The following RNF213 variants were observed in gnomAD, a reference collection of about 807,000 sequenced individuals.
The protein encoded by RNF213 is E3 ubiquitin-protein ligase RNF213.
A neutral mutation model predicts 514.4 loss-of-function variants in RNF213; 341 were observed. The ratio of observed to expected loss-of-function variants is 0.66; its 90% confidence interval spans 0.61 to 0.73. The LOEUF (loss-of-function observed/expected upper bound fraction) is 0.73, where lower values mean the gene tolerates loss of function less well. RNF213 is among the 30% of genes least tolerant of loss of function. RNF213 has a pLI of 0.00. For missense variants in RNF213, 5,767 were observed against 6,615.6 expected (o/e 0.87, Z 4.45); for synonymous variants, 2,655 against 2,658.2 (o/e 1.00, Z 0.04).
intron 52 of RNF213, 65 bp downstream of exon 52, chr17:80,376,608 G>A: frequency 6.2e-7 from 1 of 1,608,698 alleles, no homozygotes; most frequent in Non-Finnish European, 8.5e-7. Context: ...TCACTGTAGA[G>A]ACCGAGCTGC....
rs1239168466 is a variant in RNF213 at position 80,348,093 on chromosome 17, A to C, written c.9758A>C (p.Glu3253Ala). 3 of 1,614,078 alleles carry C rather than the reference A, an allele frequency of 1.9e-6. No homozygotes were observed. The highest frequency in any genetic ancestry group is 2.2e-5 in the South Asian group (2 of 91,082). The change falls in exon 29 of 68, where the codon GAG becomes GCG. Residue 3253 changes from glutamate to alanine, a missense_variant. By Grantham distance (107) the Glu-to-Ala change is moderately radical. Transcript: ENST00000582970. ...TEELHQKVSE[E>A]AKSILLNCAT... ...GAACTTCACCAGAAGGTGTCTGAGG[A>C]GGCCAAATCGATCCTGCTGAACTGC... is the stretch of plus-strand genomic sequence containing the variant.
chr17:80,385,547 G>C lies in RNF213; in HGVS notation c.14465G>C (p.Arg4822Thr), dbSNP rs185936062. ...FLSKHSSDGL[R>T]QLLHNRITVF... ...GTATTCTGTTCAACAGATGGGTTGA[G>C]GCAGCTGCTTCACAACAGGATCACA... Residue 4822 changes from arginine (R) to threonine (T), a missense_variant, in exon 61 of 68, where the codon AGG (arginine) becomes ACG (threonine). By Grantham distance (71) the Arg-to-Thr change is moderately conservative (BLOSUM62 -1). Transcript: ENST00000582970. 1 of 1,614,144 alleles carries C rather than the reference G, an allele frequency of 6.2e-7. No homozygotes were observed. The highest frequency in any genetic ancestry group is 2.2e-5 in the East Asian group (1 of 44,878).
At chr17:80,329,859 A>G (rs1809093542) in intron 20 of RNF213, among the ~76,000 whole-genome samples, 1 of 152,100 alleles carries the variant, frequency 6.6e-6, no homozygotes. Context: ...AGTCCCCTCT[A>G]TTGGGTATTA....
chr17:80,277,595 CAAAAAAAAAAAAA>C (rs34659718), intron 3 of RNF213, among the ~76,000 whole-genome samples: 7 of 69,730 alleles, frequency 1.0e-4, no homozygotes, highest in African/African-American at 3.7e-4. Context: ...GACTCTGTCT[CAAAAAAAAAAAAA>C]AAAAAAAAAG....
chr17:80,281,432 A>C (rs1598910655), intron 3 of RNF213, among the ~76,000 whole-genome samples: 1 of 53,168 alleles, frequency 1.9e-5, no homozygotes, highest in African/African-American at 6.2e-5. Flanking sequence ...CATTCACACC[A>C]CTCACACACC....
chr17:80,383,880 G>A lies in RNF213; in HGVS notation c.14274G>A (p.Gln4758=). ...AGTACCTCCAGCACATTGTGGAACAGAAAAATGGCAAAGAAAGAGTGCCCA... is the reference window on the plus strand; with the variant it reads ...AGTACCTCCAGCACATTGTGGAACAAAAAAATGGCAAAGAAAGAGTGCCCA... ...TVEYLQHIVE[Q]KNGKERVPIL... Residue 4758 remains glutamine, a synonymous_variant, in exon 59 of 68, where the codon CAG becomes CAA. Coordinates refer to ENST00000582970, the MANE Select transcript of RNF213 (RefSeq NM_001256071.3). The A allele has an allele frequency of 6.2e-7, 1 of 1,614,224 alleles. No homozygotes were observed. Among genetic ancestry groups the A allele is most frequent in the Non-Finnish European group, 8.5e-7 (1 of 1,180,034 alleles).
intron 32 of RNF213, chr17:80,352,374 A>G (rs1438360257): frequency 3.9e-6 from 1 of 256,676 alleles, no homozygotes; most frequent in Non-Finnish European, 7.5e-6. Context: ...CTTAGCATGT[A>G]GGTCACACGG....
chr17:80,383,184 TTGAC>T (rs2080093622), intron 58 of RNF213, 114 bp downstream of exon 58: 13 of 753,494 alleles, frequency 1.7e-5, no homozygotes, highest in Non-Finnish European at 2.1e-5. Context: ...GCAAGAGCCT[TTGAC>T]TGAGCCCCAG....
At chr17:80,336,479 G>A in intron 23 of RNF213, 101 bp downstream of exon 23, 2 of 1,018,484 alleles carry the variant, frequency 2.0e-6, no homozygotes, top group Non-Finnish European at 3.0e-6. Flanking sequence ...CTGTGTGGTA[G>A]GTTTGTACAC....
chr17:80,299,718 C>T (rs987638029), intron 11 of RNF213, among the ~76,000 whole-genome samples: 11 of 152,094 alleles, frequency 7.2e-5, no homozygotes, highest in African/African-American at 2.7e-4. Context: ...TCTTCCCATC[C>T]TCCACCCTCT....
At position 80,372,979 on chromosome 17, in the gene RNF213, G is replaced by A. The variant is rs149502902; in HGVS notation, c.12756G>A (p.Met4252Ile). The change falls in exon 49 of 68, where the codon ATG (methionine) becomes ATA (isoleucine). Residue 4252 changes from methionine to isoleucine, a missense_variant. Transcript: ENST00000582970. Reference protein sequence around the residue: ...FLSEPEGGPEMAKEKQCYLQQ... With the variant: ...FLSEPEGGPEIAKEKQCYLQQ... ...GCTTTCTCGTTGGCCTCTCAGAGAT[G>A]GCCAAGGAGAAGCAGTGCTACCTGC... 1.6e-4 allele frequency: 258 copies of A among 1,613,490 alleles called. No individual in the cohort carries two copies. The highest frequency in any genetic ancestry group is 2.1e-4 in the Non-Finnish European group (250 of 1,179,878).
chr17:80,370,877 GTGA>G (rs1168533881), intron 46 of RNF213, among the ~76,000 whole-genome samples: 46 of 152,306 alleles, frequency 3.0e-4, no homozygotes, highest in Non-Finnish European at 6.2e-4. Flanking sequence ...ATGTTGGTTG[GTGA>G]TGATAACATT....
intron 7 of RNF213, 105 bp downstream of exon 7, chr17:80,290,833 G>C: frequency 7.7e-7 from 1 of 1,299,184 alleles, no homozygotes; most frequent in Non-Finnish European, 1.1e-6. Flanking sequence ...TTTCTGAGAC[G>C]GAGTCTTGCT....
Position 80,388,605 on chromosome 17 carries a change from A to C in RNF213, c.14923-7A>C. The C allele has an allele frequency of 6.3e-7, 1 of 1,597,724 alleles. No individual in the cohort carries two copies. Among genetic ancestry groups the C allele is most frequent in the South Asian group, 1.1e-5 (1 of 90,762 alleles). ...ATTTTAAAAAACTTTTTTCTTTCCCAATTTAGGGAATACCCACTCTGGTGT... is the reference window on the plus strand; with the variant it reads ...ATTTTAAAAAACTTTTTTCTTTCCCCATTTAGGGAATACCCACTCTGGTGT... On this transcript the variant is annotated splice_polypyrimidine_tract_variant and splice_region_variant and intron_variant, in intron 63 of 67. Coordinates refer to ENST00000582970, the MANE Select transcript of RNF213 (RefSeq NM_001256071.3).
chr17:80,372,019 G>C (rs1160786063), intron 47 of RNF213, 34 bp downstream of exon 47: 2 of 1,115,238 alleles, frequency 1.8e-6, no homozygotes. Context: ...AATTTCTTTT[G>C]GAAACTATCT....
chr17:80,371,581 T>C lies in RNF213; in HGVS notation c.12426-293T>C, dbSNP rs181158350. On this transcript the variant is annotated intron_variant, in intron 46 of 67. Transcript: ENST00000582970. ...TAATGTCTCATAATTCCTAATATCA[T>C]AAATATTGATAATATAACCCACATA... 2.9e-4 allele frequency: 64 copies of C among 220,162 alleles called. 1 individual carries two copies. In the East Asian group the frequency reaches 5.1e-3, roughly 17 times the overall value. 13.6% of individuals were successfully genotyped at this position (220,162 alleles called of 1,614,324 possible).
At chr17:80,296,584 C>G (rs2044958381) in intron 10 of RNF213, among the ~76,000 whole-genome samples, 1 of 152,236 alleles carries the variant, frequency 6.6e-6, no homozygotes, top group Non-Finnish European at 1.5e-5. Flanking sequence ...GAGCTCTGCA[C>G]TCTCTCTGCG....
intron 20 of RNF213, among the ~76,000 whole-genome samples, chr17:80,329,952 G>T (rs2046370176): frequency 6.6e-6 from 1 of 152,066 alleles, no homozygotes; most frequent in Non-Finnish European, 1.5e-5. Flanking sequence ...TTCTTCTCTT[G>T]CTGGAATTCC....
At position 80,345,978 on chromosome 17, in the gene RNF213, G is replaced by A. The variant is rs1408479500; in HGVS notation, c.7643G>A (p.Ser2548Asn). 4 of 1,614,124 alleles carry A rather than the reference G, an allele frequency of 2.5e-6. No homozygotes were observed. The highest frequency in any genetic ancestry group is 2.2e-5 in the South Asian group (2 of 91,090). Reference protein sequence around the residue: ...LESAGLGYRVSMEETADRLGS... With the variant: ...LESAGLGYRVNMEETADRLGS... ...TCAGCTGGTTTGGGCTACAGGGTTAGTATGGAGGAGACGGCCGACAGGCTG... is the reference window on the plus strand; with the variant it reads ...TCAGCTGGTTTGGGCTACAGGGTTAATATGGAGGAGACGGCCGACAGGCTG... The change falls in exon 29 of 68, where the codon AGT becomes AAT. Residue 2548 changes from serine to asparagine, a missense_variant. Coordinates refer to ENST00000582970, the MANE Select transcript of RNF213 (RefSeq NM_001256071.3). The surrounding 1 kb of genome is among the most constrained non-coding windows in gnomAD (Gnocchi z 6.0).
Sources: allele counts gnomAD v4.1 joint callset (sites outside exome capture counted in the v4.1 genomes callset), GRCh38; gene constraint gnomAD v4.1.1; non-coding constraint Gnocchi (gnomAD v3.1); transcripts MANE v1.5; gene names NCBI Gene and HGNC (gene_info 2026-07-23, HGNC 2026-07-21).